SNX29: variants seen among roughly 807,000 people sequenced by gnomAD.
SNX29 encodes sorting nexin-29.
A neutral mutation model predicts 102.1 loss-of-function variants in SNX29; 78 were observed. That is an observed-to-expected ratio of 0.76 (90% confidence interval 0.64 to 0.92). The LOEUF is 0.92. Among genes scored for constraint, SNX29 ranks in the 40% least tolerant of loss-of-function variants. SNX29 has a pLI of 0.00. For synonymous variants in SNX29, 580 were observed against 414.5 expected, an observed-to-expected ratio of 1.40 and a Z score of -4.85; for missense variants, 1,280 against 1,061.7, an observed-to-expected ratio of 1.21 and a Z score of -2.86.
chr16:12,383,773 T>C (rs1269090870), intron 16 of SNX29, among the ~76,000 whole-genome samples: 1 of 91,028 alleles, frequency 1.1e-5, no homozygotes, highest in Non-Finnish European at 2.0e-5. Flanking sequence ...GTCAACTTTC[T>C]TTTTTTTTTT....
At chr16:12,013,118 C>G (rs77416511) in intron 3 of SNX29, among the ~76,000 whole-genome samples, 1,910 of 151,490 alleles carry the variant, frequency 0.013, 34 homozygotes, top group African/African-American at 0.044. Flanking sequence ...AGGTTTGGGA[C>G]TGAGCCTTGA....
intron 14 of SNX29, among the ~76,000 whole-genome samples, chr16:12,223,934 C>T (rs1014124189): frequency 9.2e-5 from 14 of 152,106 alleles, no homozygotes; most frequent in Admixed American, 8.5e-4. Flanking sequence ...TACGAAGAAA[C>T]GTAGCCTCGG....
chr16:12,201,166 A>G (rs914109942), intron 14 of SNX29, among the ~76,000 whole-genome samples: 1 of 152,166 alleles, frequency 6.6e-6, no homozygotes, highest in Non-Finnish European at 1.5e-5. Context: ...GTCATTCTGG[A>G]GTTATCAGTG....
chr16:12,405,923 T>C (rs1199876252), intron 18 of SNX29, among the ~76,000 whole-genome samples: 1 of 151,904 alleles, frequency 6.6e-6, no homozygotes, highest in Non-Finnish European at 1.5e-5. Flanking sequence ...TCCCAGCTAC[T>C]TGGGAGGCTG....
intron 15 of SNX29, among the ~76,000 whole-genome samples, chr16:12,342,819 A>G (rs28637093): frequency 0.056 from 8,514 of 152,218 alleles, 385 homozygotes; most frequent in African/African-American, 0.12. Context: ...AGTACCCCAC[A>G]GTGCTCGCTC....
intron 7 of SNX29, among the ~76,000 whole-genome samples, chr16:12,050,138 C>T (rs1439899568): frequency 6.6e-6 from 1 of 152,190 alleles, no homozygotes; most frequent in East Asian, 1.9e-4. Flanking sequence ...GTAACAGACA[C>T]TGAAATTTCT....
chr16:12,475,515 G>A (rs368552557), intron 18 of SNX29, among the ~76,000 whole-genome samples: 144 of 152,304 alleles, frequency 9.5e-4, no homozygotes, highest in African/African-American at 3.2e-3. Flanking sequence ...TTATGTCCCG[G>A]TAAGCCCATT....
intron 15 of SNX29, among the ~76,000 whole-genome samples, chr16:12,321,438 A>G (rs1223034778): frequency 1.3e-5 from 2 of 152,166 alleles, no homozygotes; most frequent in Non-Finnish European, 2.9e-5. Flanking sequence ...TTCCCAGGCC[A>G]GGCCTGGGAG....
chr16:12,543,138 C>T (rs895723486), intron 20 of SNX29, among the ~76,000 whole-genome samples: 1 of 152,112 alleles, frequency 6.6e-6, no homozygotes, highest in Non-Finnish European at 1.5e-5. Context: ...TGGTTTAGAT[C>T]CAGGCCCTGA....
chr16:12,572,084 A>AG lies in SNX29; in HGVS notation c.*3459dup. 4.7e-6 allele frequency: 5 copies of AG among 1,063,210 alleles called. No individual in the cohort carries two copies. Among genetic ancestry groups the AG allele is most frequent in the Non-Finnish European group, 4.6e-6 (4 of 877,802 alleles). The allele number at this position is 1,063,210 out of a possible 1,614,324, so 65.9% of individuals were successfully genotyped here. A position where few individuals can be genotyped will look rare whatever the true frequency, so the allele number is the denominator to read the frequency against. ...CATCTTGCAAGATCTAGGAAGAGGA[A>AG]GGGGAGGGATGTGGACTGGGTCTGA... On this transcript the variant is annotated 3_prime_UTR_variant, in exon 21 of 21. Transcript: ENST00000566228.
intron 13 of SNX29, among the ~76,000 whole-genome samples, chr16:12,145,455 G>T (rs1176918362): frequency 6.6e-6 from 1 of 152,060 alleles, no homozygotes; most frequent in East Asian, 1.9e-4. Context: ...TAAATGTAAT[G>T]TGTACGTTCG....
rs79270552 is a variant in SNX29, at chr16:12,541,725, C to G, written c.2318+16884C>G. 2.2e-3 allele frequency among the ~76,000 whole-genome samples: 340 copies of G among 152,246 alleles called. 1 individual carries two copies. The highest frequency in any genetic ancestry group is 3.8e-3 in the Non-Finnish European group (261 of 68,016). ...AGTGGGTTCCTGATTCCTGTCACCTCCTGTCTTTTCCGTACTGTGCCAGCC... is the reference window on the plus strand; with the variant it reads ...AGTGGGTTCCTGATTCCTGTCACCTGCTGTCTTTTCCGTACTGTGCCAGCC... On this transcript the variant is annotated intron_variant, in intron 20 of 20. Coordinates refer to ENST00000566228, the MANE Select transcript of SNX29 (RefSeq NM_032167.5).
intron 14 of SNX29, among the ~76,000 whole-genome samples, chr16:12,246,804 G>A (rs1372347623): frequency 6.6e-6 from 1 of 152,112 alleles, no homozygotes; most frequent in Admixed American, 6.6e-5. Flanking sequence ...AGCTGCATAG[G>A]GTCTGCTTAG....
rs1443918420 is a variant in SNX29, at chr16:12,568,391, C to T, written c.2319-115C>T. On this transcript the variant is annotated intron_variant, in intron 20 of 20. Transcript: ENST00000566228. ...CCAGTTAGAGGCAGATCCAATGAGC[C>T]AGTCACAGTTGCCAATCAGATCCCT... The T allele has an allele frequency of 1.2e-5, 16 of 1,380,942 alleles. 1 individual carries two copies. Among genetic ancestry groups the T allele is most frequent in the South Asian group, 9.3e-5 (7 of 75,012 alleles). 85.5% of individuals were successfully genotyped at this position (1,380,942 alleles called of 1,614,324 possible). A position where few individuals can be genotyped will look rare whatever the true frequency, so the allele number is the denominator to read the frequency against.
chr16:12,570,446 G>A lies in SNX29; in HGVS notation c.*1817G>A, dbSNP rs996167688. 8 of 241,422 alleles carry A rather than the reference G, an allele frequency of 3.3e-5. No individual in the cohort carries two copies. In the Admixed American group the frequency reaches 3.9e-4, roughly 12 times the overall value. 15.0% of individuals were successfully genotyped at this position (241,422 alleles called of 1,614,324 possible). A position where few individuals can be genotyped will look rare whatever the true frequency, so the allele number is the denominator to read the frequency against. ...CAACTCTAAATAGAGAGCCCTAATG[G>A]ACTGAGGCAGGAAACGTCTAAAAGC... On this transcript the variant is annotated 3_prime_UTR_variant, in exon 21 of 21. Transcript: ENST00000566228.
chr16:12,223,809 A>G (rs369123951), intron 14 of SNX29, among the ~76,000 whole-genome samples: 149 of 152,300 alleles, frequency 9.8e-4, no homozygotes, highest in East Asian at 7.0e-3. Context: ...GGTGGCTGCC[A>G]TGTATTGAGG....
chr16:12,236,107 C>T (rs982279523), intron 14 of SNX29, among the ~76,000 whole-genome samples: 1 of 152,120 alleles, frequency 6.6e-6, no homozygotes, highest in Non-Finnish European at 1.5e-5. Context: ...GTACTTATTT[C>T]CCAATACTAT....
At chr16:11,979,573 G>T (rs148115275) in intron 1 of SNX29, among the ~76,000 whole-genome samples, 2 of 151,960 alleles carry the variant, frequency 1.3e-5, no homozygotes, top group African/African-American at 2.4e-5. Flanking sequence ...ATAATATTTT[G>T]TTTATTTATT....
chr16:12,164,977 C>T (rs1049633716), intron 13 of SNX29, among the ~76,000 whole-genome samples: 5 of 152,082 alleles, frequency 3.3e-5, no homozygotes, highest in South Asian at 2.1e-4. Flanking sequence ...TGTGAGCCAC[C>T]GCACCCGGCC....
Sources: allele counts gnomAD v4.1 joint callset (sites outside exome capture counted in the v4.1 genomes callset), GRCh38; gene constraint gnomAD v4.1.1; transcripts MANE v1.5; gene names NCBI Gene and HGNC (gene_info 2026-07-23, HGNC 2026-07-21).